Variants in RAB33B observed in about 807,000 individuals in gnomAD.
RAB33B encodes the protein ras-related protein Rab-33B.
In RAB33B, 6 loss-of-function variants were observed where a neutral mutation model predicts 15.0. That is an observed-to-expected ratio of 0.40 (90% CI 0.22 to 0.79). RAB33B has a LOEUF of 0.79. Among genes scored for constraint, RAB33B ranks in the 30% least tolerant of loss-of-function variants. RAB33B has a pLI of 0.37. For synonymous variants in RAB33B, 117 were observed against 108.3 expected, an observed-to-expected ratio of 1.08 and a Z score of -0.50; for missense variants, 257 against 296.4, an observed-to-expected ratio of 0.87 and a Z score of 0.98.
intron 1 of RAB33B, among the ~76,000 whole-genome samples, chr4:139,462,895 G>T (rs1056030187): frequency 1.3e-5 from 2 of 152,134 alleles, no homozygotes; most frequent in African/African-American, 2.4e-5. Context: ...AAGAATTTGG[G>T]CCAGGTGCCA....
intron 1 of RAB33B, among the ~76,000 whole-genome samples, chr4:139,457,598 A>G (rs1434971551): frequency 2.0e-5 from 3 of 152,198 alleles, no homozygotes; most frequent in Non-Finnish European, 2.9e-5. Context: ...ACCTCTCCCC[A>G]CACTGGTAAA....
Position 139,472,855 on chromosome 4 carries a change from A to G in RAB33B, c.419A>G (p.Asp140Gly). The change falls in exon 2 of 2, where the codon GAT becomes GGT. Residue 140 changes from aspartate (D) to glycine (G), a missense_variant. By Grantham distance (94) the Asp-to-Gly change is moderately conservative (BLOSUM62 -1). Coordinates refer to ENST00000305626, the MANE Select transcript of RAB33B (RefSeq NM_031296.3). ...EECKQHLLAN[D>G]IPRILVGNKC... ...TGCAAACAACATTTGCTAGCCAATG[A>G]TATACCACGGATTCTTGTTGGAAAT... 1 of 1,614,202 alleles carries G rather than the reference A, an allele frequency of 6.2e-7. No homozygotes were observed. The highest frequency in any genetic ancestry group is 8.5e-7 in the Non-Finnish European group (1 of 1,180,028).
chr4:139,448,476 C>T (rs1324416718), upstream of RAB33B: 1 of 152,080 alleles, frequency 6.6e-6, no homozygotes, highest in African/African-American at 2.4e-5. Context: ...CTCTTGTTGC[C>T]CAGTCTGGAG....
At chr4:139,465,608 G>T (rs997577726) in intron 1 of RAB33B, among the ~76,000 whole-genome samples, 1 of 152,142 alleles carries the variant, frequency 6.6e-6, no homozygotes, top group African/African-American at 2.4e-5. Flanking sequence ...TTCTACATAT[G>T]GCTGGCCAGT....
rs187013466 is a variant in RAB33B, at chr4:139,458,172, A to G, written c.249+3728A>G. On this transcript the variant is annotated intron_variant, in intron 1 of 1. Coordinates refer to ENST00000305626, the MANE Select transcript of RAB33B (RefSeq NM_031296.3). ...GCTGGGTGTTGTGGCTTGTGCCTGT[A>G]GTCCCAGCTACTCCTGAGGCTGAGG... is the stretch of plus-strand genomic sequence containing the variant. 7.9e-5 allele frequency among the ~76,000 whole-genome samples: 12 copies of G among 152,218 alleles called. No homozygotes were observed. The East Asian group carries it at 1.9e-3, about 24-fold the overall frequency.
chr4:139,447,139 G>T, the RAB33B span, among the ~76,000 whole-genome samples: 2 of 152,182 alleles, frequency 1.3e-5, no homozygotes, highest in Non-Finnish European at 2.9e-5. Context: ...AAAGAAGTGT[G>T]ACAGTGGGCT....
In RAB33B at chr4:139,454,244, G is replaced by C; in HGVS notation, c.49G>C (p.Gly17Arg). ...SSLEASFSSS[G>R]AVSGASGFLP... ...GCTCGAGGCAAGCTTTTCGTCCAGC[G>C]GGGCAGTGTCAGGGGCCTCAGGGTT... The change falls in exon 1 of 2, where the codon GGG (glycine) becomes CGG (arginine). Residue 17 changes from glycine to arginine, a missense_variant. Transcript: ENST00000305626. 1.2e-6 allele frequency: 2 copies of C among 1,614,112 alleles called. No homozygotes were observed. The highest frequency in any genetic ancestry group is 8.5e-7 in the Non-Finnish European group (1 of 1,180,004).
intron 1 of RAB33B, among the ~76,000 whole-genome samples, chr4:139,469,786 G>A (rs926949169): frequency 4.6e-5 from 7 of 152,302 alleles, no homozygotes; most frequent in Admixed American, 3.9e-4. Context: ...AGATCCAGGA[G>A]AATTCTCTGT....
intron 1 of RAB33B, among the ~76,000 whole-genome samples, chr4:139,459,051 T>A (rs565854869): frequency 6.6e-6 from 1 of 151,982 alleles, no homozygotes; most frequent in Admixed American, 6.6e-5. Context: ...CACAGATATA[T>A]CTTCTTTTGA....
chr4:139,445,430 T>C, the RAB33B span, among the ~76,000 whole-genome samples: 1 of 152,242 alleles, frequency 6.6e-6, no homozygotes, highest in Non-Finnish European at 1.5e-5. Flanking sequence ...CTGGACTTAC[T>C]GGTGACACAG....
intron 1 of RAB33B, among the ~76,000 whole-genome samples, chr4:139,464,657 TG>T (rs1469149342): frequency 2.6e-5 from 4 of 152,164 alleles, no homozygotes; most frequent in Admixed American, 2.0e-4. Flanking sequence ...TCTGTCCTTG[TG>T]ATAGTTTGCT....
chr4:139,472,637 A>T (rs775119379), intron 1 of RAB33B, 49 bp from the exon 2 acceptor site: 1 of 1,319,460 alleles, frequency 7.6e-7, no homozygotes, highest in Non-Finnish European at 1.1e-6. Flanking sequence ...CTTGATATGT[A>T]TAATTGGAAT....
At chr4:139,454,485 G>T in intron 1 of RAB33B, 41 bp downstream of exon 1, 1 of 1,590,526 alleles carries the variant, frequency 6.3e-7, no homozygotes, top group Non-Finnish European at 8.5e-7. Flanking sequence ...AGGGTGACAG[G>T]TGTCCCAACC....
At chr4:139,445,026 T>C in the RAB33B span, among the ~76,000 whole-genome samples, 1 of 152,266 alleles carries the variant, frequency 6.6e-6, no homozygotes, top group African/African-American at 2.4e-5. Flanking sequence ...CCATTTGGCC[T>C]CTGCAAAAGA....
intron 1 of RAB33B, among the ~76,000 whole-genome samples, chr4:139,464,945 A>G (rs1301956965): frequency 1.3e-5 from 2 of 152,166 alleles, no homozygotes; most frequent in Non-Finnish European, 2.9e-5. Context: ...CTAGTTCTAG[A>G]TCCTTGAGGA....
rs760496697 is a variant in RAB33B at position 139,454,165 on chromosome 4, C to A, written c.-31C>A. 8 of 1,588,168 alleles carry A rather than the reference C, an allele frequency of 5.0e-6. No individual in the cohort carries two copies. In the Middle Eastern group the frequency reaches 9.3e-4, roughly 184 times the overall value. ...CTCTCAGCCTTTCTGTGTCTCCTTT[C>A]CTCCGCCTCAGTTTGGGGCGGGTCG... On this transcript the variant is annotated 5_prime_UTR_variant, in exon 1 of 2. Coordinates refer to ENST00000305626, the MANE Select transcript of RAB33B (RefSeq NM_031296.3).
chr4:139,454,123 T>C lies in RAB33B; in HGVS notation c.-73T>C. 1 of 1,509,932 alleles carries C rather than the reference T, an allele frequency of 6.6e-7. No individual in the cohort carries two copies. The highest frequency in any genetic ancestry group is 8.9e-7 in the Non-Finnish European group (1 of 1,127,726). 93.5% of individuals were successfully genotyped at this position (1,509,932 alleles called of 1,614,324 possible). The stretch of plus-strand genomic sequence containing the variant: ...CCGAACTGGCCGGCTGGGCGCGCGC[T>C]CTTGCGGTGGCGTAATCTCTCAGCC... On this transcript the variant is annotated 5_prime_UTR_variant, in exon 1 of 2. Transcript: ENST00000305626.
intron 1 of RAB33B, among the ~76,000 whole-genome samples, chr4:139,467,256 A>C (rs1750304736): frequency 7.7e-6 from 1 of 130,712 alleles, no homozygotes. Context: ...GGGATGAGCC[A>C]CTGTGCCTGG....
the RAB33B span, among the ~76,000 whole-genome samples, chr4:139,447,298 G>A: frequency 1.3e-5 from 2 of 152,124 alleles, no homozygotes; most frequent in African/African-American, 4.8e-5. Flanking sequence ...TCTCCAGAAG[G>A]CCATGTATAC....
Sources: gnomAD v4.1 joint callset for allele counts (sites outside exome capture counted in the v4.1 genomes callset) on GRCh38, gnomAD v4.1.1 for gene constraint, MANE v1.5 for transcripts, NCBI Gene and HGNC (gene_info 2026-07-23, HGNC 2026-07-21) for gene names.